PHLDB2: variants seen among roughly 807,000 people sequenced by gnomAD.
The protein encoded by PHLDB2 is pleckstrin homology like domain family B member 2.
PHLDB2 carries 71 observed loss-of-function variants against 123.6 expected under a neutral mutation model. The observed-to-expected ratio is 0.57, with a 90% confidence interval of 0.47 to 0.70. The LOEUF is 0.70. PHLDB2 is among the 30% of genes least tolerant of loss of function. The pLI, the probability that PHLDB2 is intolerant of heterozygous loss-of-function variation, is 0.00. For missense variants in PHLDB2, 1,446 were observed against 1,519.5 expected, an observed-to-expected ratio of 0.95 and a Z score of 0.80; for synonymous variants, 547 against 541.6, an observed-to-expected ratio of 1.01 and a Z score of -0.14.
intron 2 of PHLDB2, among the ~76,000 whole-genome samples, chr3:111,907,300 G>T (rs1321658719): frequency 6.6e-6 from 1 of 152,148 alleles, no homozygotes; most frequent in Non-Finnish European, 1.5e-5. Context: ...TATAGGGAAA[G>T]GATACAGATA....
chr3:111,765,800 T>G (rs534299652), intron 1 of PHLDB2, among the ~76,000 whole-genome samples: 5 of 152,318 alleles, frequency 3.3e-5, no homozygotes, highest in African/African-American at 1.2e-4. Context: ...GTTCCCATTA[T>G]TTGAAACTTA....
intron 1 of PHLDB2, among the ~76,000 whole-genome samples, chr3:111,790,468 ACT>A (rs1183364631): frequency 1.3e-5 from 2 of 152,064 alleles, no homozygotes; most frequent in Non-Finnish European, 2.9e-5. Flanking sequence ...GTCTCTTCAT[ACT>A]CTCTTCACAG....
intron 1 of PHLDB2, among the ~76,000 whole-genome samples, chr3:111,837,996 C>T (rs1260473797): frequency 6.6e-6 from 1 of 151,988 alleles, no homozygotes; most frequent in Non-Finnish European, 1.5e-5. Flanking sequence ...AAGCTGAGAT[C>T]GTCCCACCGC....
intron 1 of PHLDB2, among the ~76,000 whole-genome samples, chr3:111,780,400 G>GAAGAAGAAGAAGAAGAAGAAGA (rs1559827492): frequency 5.3e-5 from 1 of 18,796 alleles, no homozygotes; most frequent in Non-Finnish European, 2.2e-4. Context: ...AGAAGAAGAA[G>GAAGAAGAAGAAGAAGAAGAAGA]AAGAAGAAGA....
chr3:111,785,443 T>A (rs2060643711), intron 1 of PHLDB2, among the ~76,000 whole-genome samples: 1 of 152,186 alleles, frequency 6.6e-6, no homozygotes, highest in African/African-American at 2.4e-5. Flanking sequence ...TTATGTGACT[T>A]ATATCCTTGA....
chr3:111,911,745 GT>G, intron 2 of PHLDB2: 3 of 1,521,656 alleles, frequency 2.0e-6, no homozygotes, highest in Non-Finnish European at 2.6e-6. Context: ...GTAGGAACTA[GT>G]TTATTAGTCC....
At chr3:111,895,703 G>A (rs1307945093) in intron 2 of PHLDB2, among the ~76,000 whole-genome samples, 1 of 152,104 alleles carries the variant, frequency 6.6e-6, no homozygotes, top group Non-Finnish European at 1.5e-5. Context: ...TACAAAATTA[G>A]CCAGGCGTGG....
chr3:111,911,656 C>G, intron 2 of PHLDB2: 1 of 1,536,282 alleles, frequency 6.5e-7, no homozygotes, highest in Non-Finnish European at 8.7e-7. Flanking sequence ...CTATGAGTGC[C>G]TGCCGTGGGA....
In PHLDB2 at chr3:111,919,060, G is replaced by A. The variant is rs749913271; in HGVS notation, c.1720-12G>A. ...GGTGTGAATAATCCATTTCTGTGTT[G>A]ATTAATCGCAGACCCCAGAGGGTAT... On this transcript the variant is annotated splice_polypyrimidine_tract_variant and intron_variant, in intron 3 of 17. Coordinates refer to ENST00000431670, the MANE Select transcript of PHLDB2 (RefSeq NM_001134438.2). 6 of 1,613,180 alleles carry A rather than the reference G, an allele frequency of 3.7e-6. No individual in the cohort carries two copies. Among genetic ancestry groups the A allele is most frequent in the East Asian group, 2.2e-5 (1 of 44,874 alleles).
At chr3:111,908,765 C>T (rs756129959) in intron 2 of PHLDB2, among the ~76,000 whole-genome samples, 4 of 152,150 alleles carry the variant, frequency 2.6e-5, no homozygotes, top group Non-Finnish European at 4.4e-5. Context: ...CAGACAGACC[C>T]GTATAACAGA....
At chr3:111,803,908 G>A (rs539015110) in intron 1 of PHLDB2, among the ~76,000 whole-genome samples, 2 of 152,262 alleles carry the variant, frequency 1.3e-5, no homozygotes, top group Admixed American at 6.5e-5. Flanking sequence ...TCTTGAGAGT[G>A]GGGGGCATTC....
intron 1 of PHLDB2, among the ~76,000 whole-genome samples, chr3:111,882,757 T>G (rs1328901533): frequency 6.6e-6 from 1 of 152,134 alleles, no homozygotes; most frequent in East Asian, 1.9e-4. Context: ...CTGAATTTGC[T>G]CACAAAGTGT....
chr3:111,929,519 T>C (rs1160791564), intron 5 of PHLDB2, among the ~76,000 whole-genome samples: 1 of 152,216 alleles, frequency 6.6e-6, no homozygotes, highest in East Asian at 1.9e-4. Context: ...AACTTTCAGC[T>C]CTAATTAACT....
intron 1 of PHLDB2, among the ~76,000 whole-genome samples, chr3:111,865,981 T>G (rs1576933656): frequency 6.8e-6 from 1 of 147,812 alleles, no homozygotes; most frequent in South Asian, 2.2e-4. Flanking sequence ...TATTTTTACT[T>G]TACAATATTT....
At chr3:111,955,070 A>G (rs956177579) in intron 12 of PHLDB2, among the ~76,000 whole-genome samples, 3 of 151,578 alleles carry the variant, frequency 2.0e-5, no homozygotes, top group African/African-American at 7.3e-5. Context: ...ACATATATGT[A>G]ATACATATAT....
At chr3:111,780,764 C>G (rs983954800) in intron 1 of PHLDB2, among the ~76,000 whole-genome samples, 6 of 151,926 alleles carry the variant, frequency 3.9e-5, no homozygotes, top group Non-Finnish European at 8.8e-5. Context: ...TTTGATGTCC[C>G]CGTGGATAGA....
chr3:111,776,281 G>A (rs1358017554), intron 1 of PHLDB2, among the ~76,000 whole-genome samples: 1 of 152,074 alleles, frequency 6.6e-6, no homozygotes, highest in Non-Finnish European at 1.5e-5. Flanking sequence ...TGGCACTAGG[G>A]GAAGGAAAGG....
At chr3:111,809,294 T>C (rs981206016) in intron 1 of PHLDB2, among the ~76,000 whole-genome samples, 1 of 152,214 alleles carries the variant, frequency 6.6e-6, no homozygotes, top group African/African-American at 2.4e-5. Flanking sequence ...GTGGAATTGA[T>C]GGAGAGTTTG....
At chr3:111,816,515 G>T (rs2062084041) in intron 1 of PHLDB2, among the ~76,000 whole-genome samples, 1 of 152,156 alleles carries the variant, frequency 6.6e-6, no homozygotes, top group Admixed American at 6.5e-5. Context: ...TTTTGGTCTT[G>T]CATGGGGCCT....
Sources: gnomAD v4.1 joint callset for allele counts (sites outside exome capture counted in the v4.1 genomes callset) on GRCh38, gnomAD v4.1.1 for gene constraint, MANE v1.5 for transcripts, NCBI Gene and HGNC (gene_info 2026-07-23, HGNC 2026-07-21) for gene names.